NPC1: variants seen among roughly 807,000 people sequenced by gnomAD.
NPC1 encodes the protein NPC intracellular cholesterol transporter 1, also known as Niemann-Pick C1 protein.
Under a neutral mutation model 140.4 loss-of-function variants are expected in NPC1, and 85 were observed. The observed-to-expected ratio is 0.61, with a 90% CI of 0.51 to 0.72. The LOEUF (loss-of-function observed/expected upper bound fraction) is 0.72, where lower values mean the gene tolerates loss of function less well. Among genes scored for constraint, NPC1 ranks in the 30% least tolerant of loss-of-function variants. The pLI is 0.00. For synonymous variants in NPC1, 656 were observed against 624.8 expected, an observed-to-expected ratio of 1.05 and a Z score of -0.74; for missense variants, 1,504 against 1,623.8, an observed-to-expected ratio of 0.93 and a Z score of 1.27.
chr18:23,526,609 GT>G (rs754392283), downstream of NPC1: 2 of 1,611,862 alleles, frequency 1.2e-6, no homozygotes, highest in Admixed American at 3.3e-5. Flanking sequence ...GCATCATACT[GT>G]TTTATTTGCT....
chr18:23,565,893 G>GTTATC (rs148493523), intron 4 of NPC1, among the ~76,000 whole-genome samples: 6,393 of 152,066 alleles, frequency 0.042, 401 homozygotes, highest in African/African-American at 0.15. Flanking sequence ...AGCTTCTCAT[G>GTTATC]TTATATGTCA....
At chr18:23,573,722 T>C (rs1370991484) in intron 1 of NPC1, 148 bp from the exon 2 acceptor site, 1 of 908,090 alleles carries the variant, frequency 1.1e-6, no homozygotes, top group East Asian at 2.6e-5. Context: ...TTTTGAAAAA[T>C]ATTAATTAAA....
downstream of NPC1, chr18:23,527,796 G>A (rs979061776): frequency 1.6e-5 from 26 of 1,613,558 alleles, no homozygotes; most frequent in Non-Finnish European, 1.9e-5. Flanking sequence ...CCTTTCCAGT[G>A]TTAAGTGAGT....
In NPC1 at chr18:23,559,492, C is replaced by CTTTTTTT. The variant is rs57612444; in HGVS notation, c.881+732_881+738dup. On this transcript the variant is annotated intron_variant, in intron 6 of 24. Transcript: ENST00000269228. Reference sequence around the variant, plus strand: ...TCTGATTTCGCTCATTTGACTCTGACTTTTTTTTTTTTTTTTTTTTTTTTG... The same window carrying CTTTTTTT: ...TCTGATTTCGCTCATTTGACTCTGACTTTTTTTTTTTTTTTTTTTTTTTTTTTTTTTG... Among the ~76,000 whole-genome samples, 35 of 81,452 alleles carry CTTTTTTT rather than the reference C, an allele frequency of 4.3e-4. 1 individual carries two copies. Among genetic ancestry groups the CTTTTTTT allele is most frequent in the African/African-American group, 6.4e-4 (12 of 18,754 alleles). 53.4% of individuals were successfully genotyped at this position (81,452 alleles called of 152,430 possible).
chr18:23,516,559 TC>T, intron 3 of NPC1: 1 of 831,116 alleles, frequency 1.2e-6, no homozygotes, highest in South Asian at 1.6e-5. Context: ...TTCTGGGTAT[TC>T]AGTGTATAGG....
At position 23,516,727 on chromosome 18, in the gene NPC1, C is replaced by CTTTT. The variant is rs35162212; in HGVS notation, c.432-10089_432-10086dup. On this transcript the variant is annotated intron_variant, in intron 3 of 3. Transcript: ENST00000591107. ...TATCTTTGTTTTAGAATTTCTTCTT[C>CTTTT]TTTTTTTTTTTTTTTCGAGACAGAG... Among the ~76,000 whole-genome samples, 16 of 73,942 alleles carry CTTTT rather than the reference C, an allele frequency of 2.2e-4. No homozygotes were observed. The East Asian group carries it at 8.9e-3, about 41-fold the overall frequency. The allele number at this position is 73,942 out of a possible 152,430, so 48.5% of individuals were successfully genotyped here.
At chr18:23,556,654 C>A in intron 7 of NPC1, 41 bp from the exon 8 acceptor site, 1 of 1,610,078 alleles carries the variant, frequency 6.2e-7, no homozygotes, top group Non-Finnish European at 8.5e-7. Context: ...AGGTTAAGAG[C>A]CAAGCCGTTC....
intron 11 of NPC1, among the ~76,000 whole-genome samples, chr18:23,546,647 G>C (rs1416355857): frequency 6.6e-6 from 1 of 152,174 alleles, no homozygotes; most frequent in African/African-American, 2.4e-5. Flanking sequence ...ACACAATGTG[G>C]TATATCCATA....
chr18:23,564,946 T>C (rs1318935738), intron 4 of NPC1, among the ~76,000 whole-genome samples: 1 of 152,246 alleles, frequency 6.6e-6, no homozygotes, highest in Non-Finnish European at 1.5e-5. Context: ...TCTTTTCTCA[T>C]TGAATGGCCC....
chr18:23,515,671 T>TA (rs1187912130), intron 3 of NPC1, among the ~76,000 whole-genome samples: 1 of 152,204 alleles, frequency 6.6e-6, no homozygotes, highest in Non-Finnish European at 1.5e-5. Flanking sequence ...TAGCTGGAAT[T>TA]ACAGGCATGT....
At chr18:23,525,003 A>G (rs1219518368), downstream of NPC1, among the ~76,000 whole-genome samples, 31 of 139,476 alleles carry the variant, frequency 2.2e-4, no homozygotes, top group African/African-American at 8.3e-4. Flanking sequence ...CTGGAGTGCA[A>G]TGGCGTGATC....
intron 4 of NPC1, among the ~76,000 whole-genome samples, chr18:23,566,905 AG>A (rs1023958853): frequency 5.3e-5 from 8 of 152,188 alleles, no homozygotes; most frequent in Non-Finnish European, 1.2e-4. Context: ...TGCCTTTTGT[AG>A]AACGTCATAT....
chr18:23,569,445 C>T (rs1016663743), intron 3 of NPC1, among the ~76,000 whole-genome samples: 1 of 152,172 alleles, frequency 6.6e-6, no homozygotes, highest in Admixed American at 6.5e-5. Context: ...ACCTCAGCCT[C>T]CCAAGTAGCT....
rs150597260 is a variant in NPC1 at position 23,556,474 on chromosome 18, C to G, written c.1095G>C (p.Ser365=). The G allele has an allele frequency of 6.2e-7, 1 of 1,614,086 alleles. No individual in the cohort carries two copies. The highest frequency in any genetic ancestry group is 8.5e-7 in the Non-Finnish European group (1 of 1,180,026). Residue 365 remains serine (S), a synonymous_variant, in exon 8 of 25, where the codon TCG becomes TCC. Transcript: ENST00000269228. ...FFSLVFITAC[S]SGLVFVRVTT... is the part of the protein sequence containing the mutation. ...TGACCCGGACAAACACCAGGCCTGA[C>G]GAACACGCAGTAATGAAGACCAGCG...
Position 23,554,796 on chromosome 18 carries a change from C to T in NPC1, c.1515G>A (p.Val505=), listed in dbSNP as rs1352253935. ...GAAAGTGCGTGTGGTAATCGGCATA[C>T]ACAAAGAAGTCGTCCCCTTTCTTGT... ...LDHKKGDDFF[V]YADYHTHFLY... Residue 505 remains valine (V), a synonymous_variant, in exon 9 of 25, where the codon GTG becomes GTA. Transcript: ENST00000269228. 2 of 1,614,140 alleles carry T rather than the reference C, an allele frequency of 1.2e-6. No individual in the cohort carries two copies. Among genetic ancestry groups the T allele is most frequent in the Non-Finnish European group, 1.7e-6 (2 of 1,179,996 alleles).
At chr18:23,530,670 A>G (rs1567937933), downstream of NPC1, 1 of 1,530,538 alleles carries the variant, frequency 6.5e-7, no homozygotes, top group Non-Finnish European at 8.9e-7. Context: ...AGCAGAGGGC[A>G]CTGGCAGCTG....
At chr18:23,517,863 G>A (rs535843498), downstream of NPC1, among the ~76,000 whole-genome samples, 10 of 152,218 alleles carry the variant, frequency 6.6e-5, no homozygotes, top group African/African-American at 2.4e-4. Context: ...GACTACAGGC[G>A]CATGCCACCA....
chr18:23,563,387 T>C (rs1788412140), intron 4 of NPC1, among the ~76,000 whole-genome samples: 2 of 152,232 alleles, frequency 1.3e-5, no homozygotes, highest in Non-Finnish European at 2.9e-5. Context: ...GTGGAACTGA[T>C]GGGTCATATG....
At chr18:23,530,738 C>T, downstream of NPC1, 1 of 815,076 alleles carries the variant, frequency 1.2e-6, no homozygotes, top group South Asian at 1.8e-5. Context: ...TAACAGCCCA[C>T]CTAGCCCTTG....
Sources: allele counts gnomAD v4.1 joint callset (sites outside exome capture counted in the v4.1 genomes callset), GRCh38; gene constraint gnomAD v4.1.1; transcripts MANE v1.5; gene names NCBI Gene and HGNC (gene_info 2026-07-23, HGNC 2026-07-21).